The following TMPRSS15 variants were observed in gnomAD, a reference collection of about 807,000 sequenced individuals.
The protein encoded by TMPRSS15 is enteropeptidase.
In TMPRSS15, 128 loss-of-function variants were observed where a neutral mutation model predicts 125.3. The observed-to-expected ratio is 1.02, with a 90% CI of 0.89 to 1.18. TMPRSS15 has a LOEUF of 1.18. Ranked by LOEUF, TMPRSS15 falls within the 50% of genes most tolerant of loss-of-function variation. The pLI is 0.00. For missense variants in TMPRSS15, 1,283 were observed against 1,212.7 expected, an observed-to-expected ratio of 1.06 and a Z score of -0.86; for synonymous variants, 446 against 423.2, an observed-to-expected ratio of 1.05 and a Z score of -0.66.
intron 16 of TMPRSS15, among the ~76,000 whole-genome samples, chr21:18,319,368 GATA>G (rs2075209341): frequency 1.3e-5 from 2 of 148,360 alleles, no homozygotes; most frequent in South Asian, 2.2e-4. Flanking sequence ...ATACGCAGTA[GATA>G]ATATTTTTAA....
At chr21:18,351,088 A>C (rs998203483) in intron 10 of TMPRSS15, among the ~76,000 whole-genome samples, 3 of 152,118 alleles carry the variant, frequency 2.0e-5, no homozygotes, top group Admixed American at 2.0e-4. Context: ...CTTGAAAAAA[A>C]TTAACTCTTT....
intron 18 of TMPRSS15, among the ~76,000 whole-genome samples, chr21:18,310,038 A>T (rs61167523): frequency 0.11 from 16,569 of 152,070 alleles, 1,241 homozygotes; most frequent in East Asian, 0.34. Flanking sequence ...TAAGAAGCTA[A>T]GTTAGGTATA....
chr21:18,329,329 C>A, intron 14 of TMPRSS15, 35 bp from the exon 15 acceptor site: 3 of 1,594,434 alleles, frequency 1.9e-6, no homozygotes, highest in Non-Finnish European at 2.6e-6. Flanking sequence ...ATTTGGAACA[C>A]ACTTGGTGAT....
At position 18,297,825 on chromosome 21, in the gene TMPRSS15, C is replaced by T. The variant is rs1162224245; in HGVS notation, c.2170G>A (p.Gly724Arg). 3.1e-6 allele frequency: 5 copies of T among 1,609,498 alleles called. No individual in the cohort carries two copies. The South Asian group carries it at 4.4e-5, about 14-fold the overall frequency. The change falls in exon 19 of 25, where the codon GGA becomes AGA. Residue 724 changes from glycine (G) to arginine (R), a missense_variant. Physicochemically the swap from Gly to Arg is moderately radical, Grantham distance 125 (BLOSUM62 -2). Coordinates refer to ENST00000284885, the MANE Select transcript of TMPRSS15 (RefSeq NM_002772.3). ...GGGAAGATTGGCTTTGATGAGTTTCCACTCCTAGAGAAAAAAGAAAAAAGC... is the reference window on the plus strand; with the variant it reads ...GGGAAGATTGGCTTTGATGAGTTTCTACTCCTAGAGAAAAAAGAAAAAAGC... The part of the protein sequence containing the change: ...DVCQLLGLGS[G>R]NSSKPIFPTD...
intron 21 of TMPRSS15, 21 bp downstream of exon 21, chr21:18,294,249 G>C: frequency 2.5e-6 from 4 of 1,613,762 alleles, no homozygotes; most frequent in Admixed American, 1.7e-5. Flanking sequence ...TTTGGGAAGG[G>C]ACACTTGACA....
intron 10 of TMPRSS15, among the ~76,000 whole-genome samples, chr21:18,352,411 T>C (rs933812906): frequency 3.3e-5 from 5 of 152,066 alleles, no homozygotes; most frequent in African/African-American, 7.2e-5. Context: ...TGCAATCTTG[T>C]ATGTTGAAAA....
intron 1 of TMPRSS15, among the ~76,000 whole-genome samples, chr21:18,472,930 T>C (rs1178404815): frequency 6.6e-6 from 1 of 152,124 alleles, no homozygotes; most frequent in Non-Finnish European, 1.5e-5. Context: ...ATTCATTTAA[T>C]AAGGCATGTG....
intron 21 of TMPRSS15, among the ~76,000 whole-genome samples, chr21:18,289,547 G>A (rs2074808978): frequency 6.6e-6 from 1 of 152,176 alleles, no homozygotes; most frequent in Admixed American, 6.5e-5. Flanking sequence ...ATAGTAGTCT[G>A]TATTTCTTAC....
At chr21:18,323,878 A>AT (rs2075264730) in intron 16 of TMPRSS15, among the ~76,000 whole-genome samples, 1 of 152,100 alleles carries the variant, frequency 6.6e-6, no homozygotes, top group Non-Finnish European at 1.5e-5. Context: ...AACCTTGTAT[A>AT]TTTTTTAGTT....
At chr21:18,282,239 G>A (rs894413749) in intron 21 of TMPRSS15, among the ~76,000 whole-genome samples, 1 of 151,424 alleles carries the variant, frequency 6.6e-6, no homozygotes, top group African/African-American at 2.4e-5. Flanking sequence ...TTGTGTTGTA[G>A]AACAGATTAA....
intron 15 of TMPRSS15, 114 bp from the exon 16 acceptor site, chr21:18,326,686 G>A (rs535339739): frequency 4.4e-5 from 52 of 1,183,108 alleles, no homozygotes; most frequent in Admixed American, 3.4e-4. Context: ...TACATGGCTC[G>A]CTCATAGAGC....
intron 1 of TMPRSS15, among the ~76,000 whole-genome samples, chr21:18,451,505 G>C (rs76009173): frequency 0.049 from 7,495 of 152,080 alleles, 500 homozygotes; most frequent in African/African-American, 0.15. Context: ...CTTCTCAGGA[G>C]GGATAAATCT....
Position 18,382,478 on chromosome 21 carries a change from C to T in TMPRSS15, c.496+1149G>A, listed in dbSNP as rs1388645398. Among the ~76,000 whole-genome samples the T allele has an allele frequency of 2.7e-5, 4 of 150,404 alleles. No homozygotes were observed. The East Asian group carries it at 5.9e-4, about 22-fold the overall frequency. On this transcript the variant is annotated intron_variant, in intron 4 of 24. Transcript: ENST00000284885. ...GGAAACTATGCTTGATGAAACAATGCTCTGAAGAGAAGCAACTAGAGATCT... is the reference window on the plus strand; with the variant it reads ...GGAAACTATGCTTGATGAAACAATGTTCTGAAGAGAAGCAACTAGAGATCT...
At chr21:18,343,204 T>C (rs1162793021) in intron 12 of TMPRSS15, among the ~76,000 whole-genome samples, 2 of 152,208 alleles carry the variant, frequency 1.3e-5, no homozygotes, top group Admixed American at 6.5e-5. Flanking sequence ...AGATAAATGG[T>C]TGGCCTATGC....
intron 3 of TMPRSS15, 50 bp from the exon 4 acceptor site, chr21:18,383,828 G>A: frequency 6.3e-7 from 1 of 1,588,666 alleles, no homozygotes; most frequent in Non-Finnish European, 8.6e-7. Context: ...ATCTTCCACT[G>A]ATTTGTGTTC....
At chr21:18,390,720 G>A (rs743379) in intron 3 of TMPRSS15, among the ~76,000 whole-genome samples, 2,069 of 152,296 alleles carry the variant, frequency 0.014, 51 homozygotes, top group African/African-American at 0.047. Context: ...TTCTTAATGG[G>A]TTGTGAGGAT....
chr21:18,389,245 G>A (rs1192155092), intron 3 of TMPRSS15, among the ~76,000 whole-genome samples: 1 of 151,450 alleles, frequency 6.6e-6, no homozygotes, highest in African/African-American at 2.4e-5. Flanking sequence ...AGGGAGGGAA[G>A]GAAGAAGTAA....
chr21:18,307,367 T>C (rs568720711), intron 18 of TMPRSS15, among the ~76,000 whole-genome samples: 2 of 152,266 alleles, frequency 1.3e-5, no homozygotes, highest in African/African-American at 4.8e-5. Flanking sequence ...AGGACTACGA[T>C]TCGTGGGAAA....
intron 3 of TMPRSS15, among the ~76,000 whole-genome samples, chr21:18,385,154 C>T (rs911616141): frequency 6.6e-6 from 1 of 152,126 alleles, no homozygotes; most frequent in Non-Finnish European, 1.5e-5. Flanking sequence ...GAAGGTTTAA[C>T]TTTCTAATCA....
Sources: allele counts gnomAD v4.1 joint callset (sites outside exome capture counted in the v4.1 genomes callset), GRCh38; gene constraint gnomAD v4.1.1; transcripts MANE v1.5; gene names NCBI Gene and HGNC (gene_info 2026-07-23, HGNC 2026-07-21).